TENM4: variants seen among roughly 807,000 people sequenced by gnomAD.
The protein encoded by TENM4 is teneurin transmembrane protein 4, also known as teneurin-4.
Under a neutral mutation model 243.3 loss-of-function variants are expected in TENM4, and 82 were observed. That is an observed-to-expected ratio of 0.34 (90% CI 0.28 to 0.40). TENM4 has a LOEUF of 0.40. TENM4 is among the 10% of genes least tolerant of loss of function. The probability of loss-of-function intolerance (pLI) is 1.00; values close to 1 mark genes in which losing one functional copy is unlikely to be tolerated. For missense variants in TENM4, 3,138 were observed against 3,673.3 expected (o/e 0.85, Z 3.77); for synonymous variants, 1,412 against 1,456.3 (o/e 0.97, Z 0.69).
chr11:78,994,384 C>T (rs1233635585), intron 6 of TENM4, among the ~76,000 whole-genome samples: 1 of 152,162 alleles, frequency 6.6e-6, no homozygotes, highest in African/African-American at 2.4e-5. Context: ...CCTTTTCTCT[C>T]TAGTACCCTA....
At chr11:79,212,594 T>A (rs1001620223) in intron 3 of TENM4, among the ~76,000 whole-genome samples, 4 of 152,148 alleles carry the variant, frequency 2.6e-5, no homozygotes, top group African/African-American at 9.7e-5. Flanking sequence ...ATTTGAAGAC[T>A]GAAAAGTGAA....
intron 1 of TENM4, among the ~76,000 whole-genome samples, chr11:79,321,637 T>C (rs59878657): frequency 0.25 from 23,800 of 93,752 alleles, 2,184 homozygotes; most frequent in African/African-American, 0.28. Context: ...AGCAGGAAAT[T>C]ACCAAAAAAA....
At chr11:78,667,430 C>T (rs898041248) in intron 32 of TENM4, among the ~76,000 whole-genome samples, 2 of 152,098 alleles carry the variant, frequency 1.3e-5, no homozygotes, top group African/African-American at 4.8e-5. Flanking sequence ...TGTCATGTTG[C>T]CCCTCTACAC....
rs756179453 is a variant in TENM4, at chr11:78,658,461, C to G, written c.7907G>C (p.Gly2636Ala). Reference protein sequence around the residue: ...EGDLAILGLSGGRRTLENGVN... With the variant: ...EGDLAILGLSAGRRTLENGVN... ...CCCATTCTCCAGGGTTCGCCGCCCCCCACTGAGGCCCAGGATGGCCAGGTC... is the reference window on the plus strand; with the variant it reads ...CCCATTCTCCAGGGTTCGCCGCCCCGCACTGAGGCCCAGGATGGCCAGGTC... The change falls in exon 34 of 34, where the codon GGG becomes GCG. Residue 2636 changes from glycine to alanine, a missense_variant. Gly to Ala is a moderately conservative substitution (Grantham distance 60). Coordinates refer to ENST00000278550, the MANE Select transcript of TENM4 (RefSeq NM_001098816.3). 1.9e-6 allele frequency: 3 copies of G among 1,613,942 alleles called. No homozygotes were observed. The highest frequency in any genetic ancestry group is 2.2e-5 in the East Asian group (1 of 44,904).
At chr11:79,113,482 A>C (rs1161666728) in intron 4 of TENM4, among the ~76,000 whole-genome samples, 1 of 151,558 alleles carries the variant, frequency 6.6e-6, no homozygotes, top group Non-Finnish European at 1.5e-5. Flanking sequence ...AATCCATTTT[A>C]ATCACCCTCT....
intron 28 of TENM4, among the ~76,000 whole-genome samples, chr11:78,692,559 A>C (rs1772708751): frequency 6.6e-6 from 1 of 152,154 alleles, no homozygotes; most frequent in African/African-American, 2.4e-5. Context: ...GTGGAATGTC[A>C]ACTCCCTGAG....
Position 79,101,324 on chromosome 11 carries a change from T to C in TENM4, c.-65-31315A>G, listed in dbSNP as rs369922777. 2.1e-3 allele frequency among the ~76,000 whole-genome samples: 327 copies of C among 152,294 alleles called. 17 individuals carry two copies. In the South Asian group the frequency reaches 0.064, roughly 30 times the overall value. On this transcript the variant is annotated intron_variant, in intron 4 of 33. Transcript: ENST00000278550. Reference sequence around the variant, plus strand: ...AGAGAAAAGGCGGATTTTAAGCAGTTTTTCTGTGGATTTGGTGGTTCTTGA... The same window carrying C: ...AGAGAAAAGGCGGATTTTAAGCAGTCTTTCTGTGGATTTGGTGGTTCTTGA...
intron 6 of TENM4, among the ~76,000 whole-genome samples, chr11:78,935,317 A>G (rs1330560903): frequency 6.6e-6 from 1 of 152,180 alleles, no homozygotes; most frequent in Non-Finnish European, 1.5e-5. Context: ...GGCCGGAGGT[A>G]TGCAACTTTT....
intron 6 of TENM4, among the ~76,000 whole-genome samples, chr11:79,039,043 G>A (rs1859454247): frequency 1.3e-5 from 2 of 152,208 alleles, no homozygotes; most frequent in African/African-American, 4.8e-5. Flanking sequence ...GGCACTTGGT[G>A]GTGGTAGGGG....
intron 4 of TENM4, among the ~76,000 whole-genome samples, chr11:79,141,041 G>A (rs1038556713): frequency 6.6e-6 from 1 of 152,060 alleles, no homozygotes; most frequent in African/African-American, 2.4e-5. Context: ...GCCTATTAAT[G>A]TGAATATACC....
chr11:79,322,594 C>T (rs906238176), intron 1 of TENM4, among the ~76,000 whole-genome samples: 2 of 151,874 alleles, frequency 1.3e-5, no homozygotes, highest in Admixed American at 1.3e-4. Flanking sequence ...CAAAACACAA[C>T]ACAACAAAAA....
Position 78,820,713 on chromosome 11 carries a change from A to C in TENM4, c.1682-6318T>G, listed in dbSNP as rs76236706. Among the ~76,000 whole-genome samples, 410 of 152,350 alleles carry C rather than the reference A, an allele frequency of 2.7e-3. 5 individuals carry two copies. Among genetic ancestry groups the C allele is most frequent in the African/African-American group, 9.6e-3 (398 of 41,582 alleles). On this transcript the variant is annotated intron_variant, in intron 12 of 33. Coordinates refer to ENST00000278550, the MANE Select transcript of TENM4 (RefSeq NM_001098816.3). ...ACAGACACATAGGCACACAAGACACATGGAAACTCCCCATGGTAAAAACTG... is the reference window on the plus strand; with the variant it reads ...ACAGACACATAGGCACACAAGACACCTGGAAACTCCCCATGGTAAAAACTG...
intron 4 of TENM4, among the ~76,000 whole-genome samples, chr11:79,095,672 C>T (rs1024365571): frequency 6.6e-6 from 1 of 152,148 alleles, no homozygotes; most frequent in African/African-American, 2.4e-5. Flanking sequence ...AAGCAGACTC[C>T]CCAGTGCTCA....
Position 79,389,767 on chromosome 11 carries a change from G to A in TENM4, c.-321+50742C>T, listed in dbSNP as rs556403252. On this transcript the variant is annotated intron_variant, in intron 1 of 33. Transcript: ENST00000278550. ...AGAAGTTCCATTTCTCCCATCAGTA[G>A]ACCTGTGTCACAAAAAAGTACTCAA... Among the ~76,000 whole-genome samples, 10 of 152,318 alleles carry A rather than the reference G, an allele frequency of 6.6e-5. No individual in the cohort carries two copies. In the East Asian group the frequency reaches 1.9e-3, roughly 29 times the overall value.
chr11:78,904,733 C>T (rs1159181626), intron 6 of TENM4, among the ~76,000 whole-genome samples: 1 of 152,186 alleles, frequency 6.6e-6, no homozygotes, highest in African/African-American at 2.4e-5. Context: ...CAGGTATCAT[C>T]ACCAATTTAT....
chr11:79,057,157 G>A (rs559585092), intron 6 of TENM4, among the ~76,000 whole-genome samples: 1 of 152,250 alleles, frequency 6.6e-6, no homozygotes, highest in South Asian at 2.1e-4. Context: ...GCCTTTGCCT[G>A]TTAGTCTACT....
At chr11:79,262,585 C>T (rs1229822648) in intron 2 of TENM4, among the ~76,000 whole-genome samples, 1 of 152,204 alleles carries the variant, frequency 6.6e-6, no homozygotes, top group Non-Finnish European at 1.5e-5. Context: ...CTCACTACAG[C>T]AAGAAGAGAT....
chr11:79,160,869 C>A (rs1862730277), intron 3 of TENM4, among the ~76,000 whole-genome samples: 1 of 152,158 alleles, frequency 6.6e-6, no homozygotes, highest in South Asian at 2.1e-4. Context: ...ACTAGATTTC[C>A]CGGATTCCCT....
At chr11:78,878,323 G>C (rs376724771) in intron 9 of TENM4, among the ~76,000 whole-genome samples, 2 of 151,932 alleles carry the variant, frequency 1.3e-5, no homozygotes, top group Non-Finnish European at 2.9e-5. Context: ...AAATTTTTTC[G>C]GCCCTCATGG....
Sources: allele counts gnomAD v4.1 joint callset (sites outside exome capture counted in the v4.1 genomes callset), GRCh38; gene constraint gnomAD v4.1.1; transcripts MANE v1.5; gene names NCBI Gene and HGNC (gene_info 2026-07-23, HGNC 2026-07-21).